TFAM: variants seen among roughly 807,000 people sequenced by gnomAD.
TFAM encodes the protein transcription factor A, mitochondrial.
Under a neutral mutation model 30.6 loss-of-function variants are expected in TFAM, and 13 were observed. The observed-to-expected ratio is 0.42, with a 90% confidence interval of 0.28 to 0.67. TFAM has a LOEUF of 0.67. Among genes scored for constraint, TFAM ranks in the 30% least tolerant of loss-of-function variants. TFAM has a pLI of 0.21. For synonymous variants in TFAM, 106 were observed against 94.8 expected (o/e 1.12, Z -0.69); for missense variants, 231 against 293.7 (o/e 0.79, Z 1.56).
At chr10:58,386,475 G>C in intron 2 of TFAM, 137 bp downstream of exon 2, 1 of 797,984 alleles carries the variant, frequency 1.3e-6, no homozygotes, top group Non-Finnish European at 2.1e-6. Context: ...AAAATAGGAA[G>C]TTCTATTTTA....
At chr10:58,391,607 C>T (rs1840599746) in intron 5 of TFAM, among the ~76,000 whole-genome samples, 1 of 151,842 alleles carries the variant, frequency 6.6e-6, no homozygotes, top group Non-Finnish European at 1.5e-5. Flanking sequence ...TTATCTTATG[C>T]TTTAAGCATT....
At chr10:58,389,859 T>A (rs1228246621) in intron 4 of TFAM, among the ~76,000 whole-genome samples, 1 of 152,216 alleles carries the variant, frequency 6.6e-6, no homozygotes, top group African/African-American at 2.4e-5. Context: ...CTTTCTTTTG[T>A]AATTGTTCTT....
chr10:58,394,364 C>T lies in TFAM; in HGVS notation c.544C>T (p.Leu182=), dbSNP rs751057063. The change falls in exon 6 of 7, where the codon CTG becomes TTG. Residue 182 remains leucine, a synonymous_variant. Transcript: ENST00000487519. The part of the protein sequence containing the change: ...EAKGDSPQEK[L]KTVKENWKNL... The stretch of plus-strand genomic sequence containing the variant: ...AACATATATTGTTTTACAGGAAAAG[C>T]TGAAGACTGTAAAGGAAAACTGGAA... 6.2e-7 allele frequency: 1 copy of T among 1,612,272 alleles called. No homozygotes were observed. The highest frequency in any genetic ancestry group is 1.3e-5 in the African/African-American group (1 of 74,854).
intron 3 of TFAM, among the ~76,000 whole-genome samples, 159 bp downstream of exon 3, chr10:58,388,419 T>G (rs1263632374): frequency 6.6e-6 from 1 of 152,206 alleles, no homozygotes; most frequent in Non-Finnish European, 1.5e-5. Flanking sequence ...AATGAGAATA[T>G]GGATGTATGG....
At chr10:58,392,912 G>C (rs1413063027) in intron 5 of TFAM, among the ~76,000 whole-genome samples, 1 of 150,362 alleles carries the variant, frequency 6.7e-6, no homozygotes, top group African/African-American at 2.5e-5. Flanking sequence ...CCTGAGCTCA[G>C]GTGATCCACC....
In TFAM at chr10:58,388,113, C is replaced by T. The variant is rs541865856; in HGVS notation, c.221-77C>T. 8.7e-5 allele frequency: 101 copies of T among 1,162,568 alleles called. 3 individuals are homozygous for T. The Admixed American group carries it at 1.4e-3, about 16-fold the overall frequency. 72.0% of individuals were successfully genotyped at this position (1,162,568 alleles called of 1,614,324 possible). On this transcript the variant is annotated intron_variant, in intron 2 of 6. Transcript: ENST00000487519. Reference sequence around the variant, plus strand: ...TAAGTTATGTGTGGTATGGATTGTGCTTTCCTGGATATCTTTAGAAATTAA... The same window carrying T: ...TAAGTTATGTGTGGTATGGATTGTGTTTTCCTGGATATCTTTAGAAATTAA...
chr10:58,387,281 T>A (rs928748038), intron 2 of TFAM, among the ~76,000 whole-genome samples: 13 of 151,606 alleles, frequency 8.6e-5, no homozygotes, highest in South Asian at 4.2e-4. Flanking sequence ...ATAATAATTT[T>A]AAAAAAAAGC....
intron 5 of TFAM, among the ~76,000 whole-genome samples, chr10:58,391,456 T>C (rs765929566): frequency 7.9e-5 from 12 of 152,162 alleles, no homozygotes; most frequent in Middle Eastern, 3.2e-3. Flanking sequence ...CCGTAACCCA[T>C]GTTAATCTAA....
intron 5 of TFAM, among the ~76,000 whole-genome samples, chr10:58,392,793 A>G (rs536278107): frequency 5.1e-4 from 76 of 150,288 alleles, no homozygotes; most frequent in African/African-American, 1.7e-3. Context: ...TCCCACCTCA[A>G]CCTCTTGAGT....
At chr10:58,392,252 G>C (rs1301577305) in intron 5 of TFAM, among the ~76,000 whole-genome samples, 2 of 152,088 alleles carry the variant, frequency 1.3e-5, no homozygotes, top group Admixed American at 6.5e-5. Context: ...ACATTCACTT[G>C]TTAGACTGGG....
In TFAM at chr10:58,388,650, C is replaced by T; in HGVS notation, c.292-20C>T. On this transcript the variant is annotated intron_variant, in intron 3 of 6. Transcript: ENST00000487519. ...TTGCCAGCAATGGTTTGTTGACTTA[C>T]TTGGGTTTTTTATTTATAGATATAT... 3 of 1,608,486 alleles carry T rather than the reference C, an allele frequency of 1.9e-6. No individual in the cohort carries two copies. Among genetic ancestry groups the T allele is most frequent in the Non-Finnish European group, 2.5e-6 (3 of 1,177,634 alleles).
At chr10:58,387,501 T>C (rs543660793) in intron 2 of TFAM, among the ~76,000 whole-genome samples, 1 of 152,356 alleles carries the variant, frequency 6.6e-6, no homozygotes, top group African/African-American at 2.4e-5. Context: ...TACGAGGCTG[T>C]GTTATATGGA....
At position 58,395,712 on chromosome 10, in the gene TFAM, C is replaced by T. The variant is rs886103275; in HGVS notation, c.*638C>T. 1.3e-5 allele frequency: 4 copies of T among 298,298 alleles called. No homozygotes were observed. The highest frequency in any genetic ancestry group is 5.2e-5 in the Admixed American group (1 of 19,222). The allele number at this position is 298,298 out of a possible 1,614,324, so 18.5% of individuals were successfully genotyped here. On this transcript the variant is annotated 3_prime_UTR_variant, in exon 7 of 7. Transcript: ENST00000487519. ...GATTTATGCATATTATTTTATGTTG[C>T]ATAGAATAAAATTTTTAATCTTTAA...
intron 2 of TFAM, 79 bp downstream of exon 2, chr10:58,386,417 C>A: frequency 9.7e-7 from 1 of 1,030,664 alleles, no homozygotes; most frequent in Non-Finnish European, 1.5e-6. Flanking sequence ...TGTTGAATTG[C>A]AGTGCTAAAG....
rs1317833004 is a variant in TFAM, at chr10:58,397,676, A to G, written c.*2602A>G. 3 of 152,172 alleles carry G rather than the reference A, an allele frequency of 2.0e-5. No individual in the cohort carries two copies. The highest frequency in any genetic ancestry group is 7.2e-5 in the African/African-American group (3 of 41,432). The allele number at this position is 152,172 out of a possible 1,614,324, so 9.4% of individuals were successfully genotyped here. A position where few individuals can be genotyped will look rare whatever the true frequency, so the allele number is the denominator to read the frequency against. ...CATATACCAAATGCCATTCAGCTGTAACAGTATACACAGATTTTCTCTTAT... is the reference window on the plus strand; with the variant it reads ...CATATACCAAATGCCATTCAGCTGTGACAGTATACACAGATTTTCTCTTAT... On this transcript the variant is annotated 3_prime_UTR_variant, in exon 7 of 7. Transcript: ENST00000487519.
rs1039880196 is a variant in TFAM at position 58,396,678 on chromosome 10, A to G, written c.*1604A>G. Reference sequence around the variant, plus strand: ...GAATAATTCTCATCAGTTCACAGATATAGGATAACTCAATTTATATGCACT... The same window carrying G: ...GAATAATTCTCATCAGTTCACAGATGTAGGATAACTCAATTTATATGCACT... On this transcript the variant is annotated 3_prime_UTR_variant, in exon 7 of 7. Coordinates refer to ENST00000487519, the MANE Select transcript of TFAM (RefSeq NM_003201.3). 7 of 152,354 alleles carry G rather than the reference A, an allele frequency of 4.6e-5. No homozygotes were observed. Among genetic ancestry groups the G allele is most frequent in the Admixed American group, 2.0e-4 (3 of 15,308 alleles). 9.4% of individuals were successfully genotyped at this position (152,354 alleles called of 1,614,324 possible). A position where few individuals can be genotyped will look rare whatever the true frequency, so the allele number is the denominator to read the frequency against.
At chr10:58,389,391 A>G (rs1840550274) in intron 4 of TFAM, among the ~76,000 whole-genome samples, 1 of 152,140 alleles carries the variant, frequency 6.6e-6, no homozygotes, top group South Asian at 2.1e-4. Flanking sequence ...AAATGTCATC[A>G]TTTGAAAGTT....
intron 5 of TFAM, among the ~76,000 whole-genome samples, chr10:58,393,922 T>C (rs1840638562): frequency 6.6e-6 from 1 of 151,600 alleles, no homozygotes; most frequent in African/African-American, 2.4e-5. Context: ...TCTATCCCTT[T>C]AATTTTATAA....
chr10:58,398,094 T>G lies in TFAM; in HGVS notation c.*3020T>G, dbSNP rs1449999889. 1 of 152,206 alleles carries G rather than the reference T, an allele frequency of 6.6e-6. No homozygotes were observed. Among genetic ancestry groups the G allele is most frequent in the Non-Finnish European group, 1.5e-5 (1 of 68,122 alleles). The allele number at this position is 152,206 out of a possible 1,614,324, so 9.4% of individuals were successfully genotyped here. ...ACTATTTCTTTTGGAGACACAGTCT[T>G]GCTCTGTCCAAGCTGGAATGCAGTG... is the stretch of plus-strand genomic sequence containing the variant. On this transcript the variant is annotated 3_prime_UTR_variant, in exon 7 of 7. Coordinates refer to ENST00000487519, the MANE Select transcript of TFAM (RefSeq NM_003201.3).
Sources: gnomAD v4.1 joint callset for allele counts (sites outside exome capture counted in the v4.1 genomes callset) on GRCh38, gnomAD v4.1.1 for gene constraint, MANE v1.5 for transcripts, NCBI Gene and HGNC (gene_info 2026-07-23, HGNC 2026-07-21) for gene names.